Variants in EYS observed in about 807,000 individuals in gnomAD.
EYS encodes protein eyes shut homolog.
In EYS, 250 loss-of-function variants were observed where a neutral mutation model predicts 282.1. That is an observed-to-expected ratio of 0.89 (90% CI 0.80 to 0.98). EYS has a LOEUF of 0.98. EYS is among the 50% of genes least tolerant of loss of function. EYS has a pLI of 0.00. For missense variants in EYS, 4,016 were observed against 3,709.0 expected (o/e 1.08, Z -2.15); for synonymous variants, 1,355 against 1,282.9 (o/e 1.06, Z -1.20).
At chr6:64,318,039 C>A (rs1770046858) in intron 29 of EYS, among the ~76,000 whole-genome samples, 1 of 151,694 alleles carries the variant, frequency 6.6e-6, no homozygotes, top group African/African-American at 2.4e-5. Context: ...GGGGTGGGGG[C>A]CTCGGGGAGG....
At chr6:65,650,100 G>A (rs991325821) in intron 1 of EYS, among the ~76,000 whole-genome samples, 16 of 152,174 alleles carry the variant, frequency 1.1e-4, no homozygotes, top group African/African-American at 3.9e-4. Context: ...TGAAGGGAAA[G>A]CAGTTTTTTA....
intron 19 of EYS, among the ~76,000 whole-genome samples, chr6:64,845,263 C>T (rs1211102790): frequency 6.6e-6 from 1 of 151,746 alleles, no homozygotes; most frequent in Non-Finnish European, 1.5e-5. Context: ...TACACTCCTG[C>T]CTGGGTGACA....
intron 31 of EYS, among the ~76,000 whole-genome samples, chr6:64,096,744 T>C (rs183935019): frequency 6.3e-4 from 96 of 152,334 alleles, no homozygotes; most frequent in African/African-American, 2.2e-3. Flanking sequence ...AGCCTTCTTC[T>C]CTCAATTCGT....
At chr6:64,810,361 C>A (rs1371410301) in intron 22 of EYS, among the ~76,000 whole-genome samples, 1 of 151,952 alleles carries the variant, frequency 6.6e-6, no homozygotes, top group Admixed American at 6.6e-5. Flanking sequence ...ATATAGCATT[C>A]ATGAAAAAAG....
intron 12 of EYS, among the ~76,000 whole-genome samples, chr6:65,164,060 G>C (rs939376066): frequency 1.3e-5 from 2 of 151,358 alleles, no homozygotes; most frequent in South Asian, 4.2e-4. Flanking sequence ...TCATACATGA[G>C]CAGATAACTG....
intron 2 of EYS, among the ~76,000 whole-genome samples, chr6:65,607,186 A>C (rs535059783): frequency 1.4e-3 from 215 of 151,982 alleles, no homozygotes; most frequent in African/African-American, 4.9e-3. Context: ...CATCAGTGAT[A>C]TTCAAACTTG....
chr6:64,930,443 T>A (rs917917620), intron 15 of EYS, among the ~76,000 whole-genome samples: 2 of 139,138 alleles, frequency 1.4e-5, no homozygotes, highest in African/African-American at 5.5e-5. Context: ...CACTTAGGAC[T>A]TCTATGCATA....
rs146141440 is a variant in EYS at position 64,515,881 on chromosome 6, A to G, written c.5644+74342T>C. 3.9e-3 allele frequency among the ~76,000 whole-genome samples: 596 copies of G among 151,904 alleles called. 5 individuals are homozygous for G. Among genetic ancestry groups the G allele is most frequent in the African/African-American group, 0.013 (560 of 41,518 alleles). ...TGAGAACAGCAATATTGAAAGTTTT[A>G]TATGCTAATAAGAATGTAATTTACA... is the stretch of plus-strand genomic sequence containing the variant. On this transcript the variant is annotated intron_variant, in intron 26 of 42. Transcript: ENST00000503581.
At chr6:64,824,526 G>C (rs977175517) in intron 19 of EYS, among the ~76,000 whole-genome samples, 1 of 151,796 alleles carries the variant, frequency 6.6e-6, no homozygotes, top group African/African-American at 2.4e-5. Flanking sequence ...TTAGTGATTT[G>C]GGTGGTTCCA....
Position 64,082,858 on chromosome 6 carries a change from G to T in EYS, c.6425-856C>A, listed in dbSNP as rs554168536. Among the ~76,000 whole-genome samples, 6 of 150,852 alleles carry T rather than the reference G, an allele frequency of 4.0e-5. No homozygotes were observed. In the South Asian group the frequency reaches 1.3e-3, roughly 32 times the overall value. ...ATAGAACAAGTGTAACACATGGTAT[G>T]TTGAAAATGCAACTTCTTTAACATT... is the stretch of plus-strand genomic sequence containing the variant. On this transcript the variant is annotated intron_variant, in intron 31 of 42. Coordinates refer to ENST00000503581, the MANE Select transcript of EYS (RefSeq NM_001142800.2).
intron 14 of EYS, among the ~76,000 whole-genome samples, chr6:64,955,865 G>T (rs534200652): frequency 1.3e-5 from 2 of 152,024 alleles, no homozygotes; most frequent in Non-Finnish European, 2.9e-5. Flanking sequence ...ACTCGCTTTG[G>T]GTCCCCTCTC....
intron 14 of EYS, among the ~76,000 whole-genome samples, chr6:64,966,325 G>C (rs1194768949): frequency 6.6e-6 from 1 of 152,084 alleles, no homozygotes; most frequent in Non-Finnish European, 1.5e-5. Context: ...AAAGAAATTG[G>C]TGTTGGGGGG....
chr6:65,176,510 TAAC>T (rs1490963864), intron 12 of EYS, among the ~76,000 whole-genome samples: 1 of 151,632 alleles, frequency 6.6e-6, no homozygotes, highest in Admixed American at 6.6e-5. Flanking sequence ...AAAAAAACTA[TAAC>T]AATAGTAAAC....
intron 26 of EYS, among the ~76,000 whole-genome samples, chr6:64,524,670 TTCAATC>T (rs2150527861): frequency 6.6e-6 from 1 of 151,936 alleles, no homozygotes; most frequent in South Asian, 2.1e-4. Context: ...GGGGTCTAGT[TTCAATC>T]TTCTGCATAT....
chr6:64,686,789 G>GTGTGTATATATATA lies in EYS; in HGVS notation c.3444-60558_3444-60545dup, dbSNP rs1562133810. ...TGTGTATATATATATATATATATAT[G>GTGTGTATATATATA]TGTGTATATATATATGTGTGTATAT... On this transcript the variant is annotated intron_variant, in intron 22 of 42. Coordinates refer to ENST00000503581, the MANE Select transcript of EYS (RefSeq NM_001142800.2). 3.5e-3 allele frequency among the ~76,000 whole-genome samples: 43 copies of GTGTGTATATATATA among 12,200 alleles called. 4 individuals are homozygous for GTGTGTATATATATA. The highest frequency in any genetic ancestry group is 0.021 in the East Asian group (6 of 292). 8.0% of individuals were successfully genotyped at this position (12,200 alleles called of 152,430 possible).
At chr6:63,733,561 T>A (rs1166854453) in intron 41 of EYS, among the ~76,000 whole-genome samples, 1 of 152,166 alleles carries the variant, frequency 6.6e-6, no homozygotes, top group African/African-American at 2.4e-5. Context: ...GCTCCTGTAT[T>A]AATTTGCTTA....
At chr6:64,033,642 A>G (rs1769970352) in intron 33 of EYS, among the ~76,000 whole-genome samples, 1 of 151,818 alleles carries the variant, frequency 6.6e-6, no homozygotes. Context: ...TTAAATTTAC[A>G]TTTAAAATAT....
In EYS at chr6:65,548,321, T is replaced by C. The variant is rs191507128; in HGVS notation, c.-332-52328A>G. ...ATTGAAGGTAAATTCCATAAACCTG[T>C]ATTCACTGAATCAATTAGGTTATCA... On this transcript the variant is annotated intron_variant, in intron 2 of 42. Coordinates refer to ENST00000503581, the MANE Select transcript of EYS (RefSeq NM_001142800.2). Among the ~76,000 whole-genome samples the C allele has an allele frequency of 1.5e-3, 227 of 152,338 alleles. 1 individual carries two copies. Among genetic ancestry groups the C allele is most frequent in the African/African-American group, 5.1e-3 (214 of 41,588 alleles).
intron 42 of EYS, among the ~76,000 whole-genome samples, chr6:63,723,429 G>T (rs1437289700): frequency 6.6e-6 from 1 of 152,118 alleles, no homozygotes; most frequent in Non-Finnish European, 1.5e-5. Context: ...GTTATCTTTT[G>T]CAAGATTATG....
Sources: gnomAD v4.1 joint callset for allele counts (sites outside exome capture counted in the v4.1 genomes callset) on GRCh38, gnomAD v4.1.1 for gene constraint, MANE v1.5 for transcripts, NCBI Gene and HGNC (gene_info 2026-07-23, HGNC 2026-07-21) for gene names.